CHD9: variants seen among roughly 807,000 people sequenced by gnomAD.
CHD9 encodes the protein chromodomain helicase DNA binding protein 9, also known as ATP-dependent chromatin remodeler CHD9.
A neutral mutation model predicts 316.1 loss-of-function variants in CHD9; 77 were observed. That is an observed-to-expected ratio of 0.24 (90% CI 0.20 to 0.29). The LOEUF is 0.29. Among genes scored for constraint, CHD9 ranks in the 10% least tolerant of loss-of-function variants. The pLI, the probability that CHD9 is intolerant of heterozygous loss-of-function variation, is 1.00. For missense variants in CHD9, 2,763 were observed against 3,438.1 expected, an observed-to-expected ratio of 0.80 and a Z score of 4.91; for synonymous variants, 1,129 against 1,158.3, an observed-to-expected ratio of 0.97 and a Z score of 0.51.
chr16:53,273,562 CAATCTT>C (rs2052499633), intron 22 of CHD9, 58 bp from the exon 23 acceptor site: 1 of 1,294,868 alleles, frequency 7.7e-7, no homozygotes, highest in East Asian at 2.5e-5. Flanking sequence ...TGCATTGAAA[CAATCTT>C]TCAGATTGCA....
In CHD9 at chr16:53,306,203, C is replaced by A. The variant is rs1489202605; in HGVS notation, c.6620-34C>A. The A allele has an allele frequency of 6.1e-6, 8 of 1,317,608 alleles. No homozygotes were observed. The African/African-American group carries it at 1.1e-4, about 18-fold the overall frequency. 81.6% of individuals were successfully genotyped at this position (1,317,608 alleles called of 1,614,324 possible). A position where few individuals can be genotyped will look rare whatever the true frequency, so the allele number is the denominator to read the frequency against. On this transcript the variant is annotated intron_variant, in intron 31 of 38. Coordinates refer to ENST00000447540, the MANE Select transcript of CHD9 (RefSeq NM_001308319.2). Reference sequence around the variant, plus strand: ...TATATATAAAACTATTTTATGTAGTCTTTTTAAAAAATGATTATAATTGTT... The same window carrying A: ...TATATATAAAACTATTTTATGTAGTATTTTTAAAAAATGATTATAATTGTT...
chr16:53,313,953 CA>C (rs368259661), intron 34 of CHD9, among the ~76,000 whole-genome samples: 67 of 88,780 alleles, frequency 7.5e-4, no homozygotes, highest in African/African-American at 1.7e-3. Context: ...ACTCCGTCTC[CA>C]AAAAAAAAAA....
intron 34 of CHD9, chr16:53,310,969 C>T (rs7200870): frequency 0.84 from 127,098 of 151,398 alleles, 53,828 homozygotes; most frequent in African/African-American, 0.96. Context: ...GGAGGATTGC[C>T]TGAGTCCAGG....
At chr16:53,240,675 C>T (rs1411101760) in intron 12 of CHD9, among the ~76,000 whole-genome samples, 1 of 151,334 alleles carries the variant, frequency 6.6e-6, no homozygotes, top group African/African-American at 2.4e-5. Flanking sequence ...AACAGTAGTA[C>T]TAAAATCATG....
intron 19 of CHD9, among the ~76,000 whole-genome samples, chr16:53,261,940 T>C (rs1467136869): frequency 6.6e-6 from 1 of 152,232 alleles, no homozygotes; most frequent in African/African-American, 2.4e-5. Flanking sequence ...CTGACAGTTA[T>C]CTTGAATATC....
Position 53,157,468 on chromosome 16 carries a change from C to T in CHD9, c.1379C>T (p.Ala460Val), listed in dbSNP as rs764468064. 1.9e-6 allele frequency: 3 copies of T among 1,613,892 alleles called. No homozygotes were observed. In the East Asian group the frequency reaches 6.7e-5, roughly 36 times the overall value. Residue 460 changes from alanine to valine, a missense_variant, in exon 2 of 39, where the codon GCT becomes GTT. Ala to Val is a moderately conservative substitution (Grantham distance 64). Around this residue, in one of 15 missense-constraint regions of CHD9, gnomAD observed 859 missense variants for 890.4 expected, o/e 0.96. Coordinates refer to ENST00000447540, the MANE Select transcript of CHD9 (RefSeq NM_001308319.2). ...DMAQTQLQSQARSWHSSFSNH... is the reference protein window; with the variant it reads ...DMAQTQLQSQVRSWHSSFSNH... ...GCTCAGACTCAGTTGCAAAGTCAGG[C>T]TCGGAGTTGGCATTCATCATTTTCT...
chr16:53,077,047 G>A (rs2034594500), intron 1 of CHD9, among the ~76,000 whole-genome samples: 1 of 151,380 alleles, frequency 6.6e-6, no homozygotes, highest in Admixed American at 6.6e-5. Context: ...GAGTGCAGTG[G>A]CATGATCTTG....
In CHD9 at chr16:53,209,775, A is replaced by G. The variant is rs374457948; in HGVS notation, c.1746A>G (p.Thr582=). ...SKPKDKDSKK[T]KTCSKLKEKT... Reference sequence around the variant, plus strand: ...CAAAGGACAAAGACAGCAAAAAAACAAAAACATGTTCTAAGTTAAAAGAGA... The same window carrying G: ...CAAAGGACAAAGACAGCAAAAAAACGAAAACATGTTCTAAGTTAAAAGAGA... Residue 582 remains threonine (T), a synonymous_variant, in exon 3 of 39, where the codon ACA becomes ACG. Transcript: ENST00000447540. The G allele has an allele frequency of 5.9e-5, 95 of 1,603,388 alleles. 1 individual carries two copies. In the African/African-American group the frequency reaches 1.2e-3, roughly 20 times the overall value.
chr16:53,300,517 A>G (rs1227866992), intron 30 of CHD9, among the ~76,000 whole-genome samples: 1 of 152,248 alleles, frequency 6.6e-6, no homozygotes, highest in African/African-American at 2.4e-5. Context: ...CATAGCATTA[A>G]AAAATGAACA....
In CHD9 at chr16:53,245,780, T is replaced by G. The variant is rs1307705903; in HGVS notation, c.3384T>G (p.Thr1128=). 6.2e-7 allele frequency: 1 copy of G among 1,606,188 alleles called. No homozygotes were observed. Among genetic ancestry groups the G allele is most frequent in the Admixed American group, 1.7e-5 (1 of 58,586 alleles). ...FSFLSKGAGQ[T]NVPNLVNTMM... is the part of the protein sequence containing the mutation. ...TTTTATCCAAAGGAGCAGGACAAAC[T>G]AATGTACCTAACTTGGTCAATACCA... Residue 1128 remains threonine, a synonymous_variant, in exon 15 of 39, where the codon ACT becomes ACG. Transcript: ENST00000447540. The surrounding 1 kb of genome is among the most constrained non-coding windows in gnomAD (Gnocchi z 4.1).
At chr16:53,161,000 A>T (rs1254120501) in intron 2 of CHD9, among the ~76,000 whole-genome samples, 1 of 152,134 alleles carries the variant, frequency 6.6e-6, no homozygotes, top group Non-Finnish European at 1.5e-5. Flanking sequence ...CAAGAGGATG[A>T]GTTGAGCCTG....
chr16:53,171,960 G>A (rs945629500), intron 2 of CHD9, among the ~76,000 whole-genome samples: 1 of 151,140 alleles, frequency 6.6e-6, no homozygotes, highest in Non-Finnish European at 1.5e-5. Context: ...ATGTTTTGGG[G>A]ATATATGCTT....
chr16:53,310,676 T>C (rs2056385805), intron 34 of CHD9: 1 of 150,010 alleles, frequency 6.7e-6, no homozygotes. Context: ...GGTGAAACCC[T>C]GTCTGTACTA....
chr16:53,239,179 T>G (rs1397441044), intron 12 of CHD9, among the ~76,000 whole-genome samples: 4 of 152,210 alleles, frequency 2.6e-5, no homozygotes, highest in Non-Finnish European at 5.9e-5. Flanking sequence ...GAGCATTTTC[T>G]ATTTTACTTT....
chr16:53,306,530 A>G, intron 32 of CHD9, 133 bp downstream of exon 32: 1 of 614,900 alleles, frequency 1.6e-6, no homozygotes, highest in African/African-American at 1.9e-5. Context: ...TGTTAGCTCC[A>G]AAAGTATAAA....
chr16:53,132,793 CTTT>C (rs748626858), intron 1 of CHD9, among the ~76,000 whole-genome samples: 91 of 68,484 alleles, frequency 1.3e-3, no homozygotes, highest in African/African-American at 4.6e-3. Context: ...TCTAATTCTG[CTTT>C]TTTTTTTTTT....
At chr16:53,104,156 AG>A (rs2037124979) in intron 1 of CHD9, among the ~76,000 whole-genome samples, 1 of 152,228 alleles carries the variant, frequency 6.6e-6, no homozygotes, top group African/African-American at 2.4e-5. Context: ...AAATGTTTGG[AG>A]GAAAAGGGTG....
rs192451404 is a variant in CHD9, at chr16:53,189,081, A to T, written c.1453-20401A>T. Among the ~76,000 whole-genome samples the T allele has an allele frequency of 9.2e-5, 14 of 152,154 alleles. No homozygotes were observed. In the East Asian group the frequency reaches 2.5e-3, roughly 27 times the overall value. On this transcript the variant is annotated intron_variant, in intron 2 of 38. Coordinates refer to ENST00000447540, the MANE Select transcript of CHD9 (RefSeq NM_001308319.2). ...TCCTTGGGTTTTTTTTTCATTTGAA[A>T]GATCGTAGCTTCCAAATATAAAGAT...
intron 1 of CHD9, among the ~76,000 whole-genome samples, chr16:53,146,796 CAAA>C (rs59556450): frequency 8.3e-6 from 1 of 120,722 alleles, no homozygotes; most frequent in Non-Finnish European, 1.8e-5. Context: ...GAGACGGTCT[CAAA>C]AAAAAAAAAA....
Sources: gnomAD v4.1 joint callset for allele counts (sites outside exome capture counted in the v4.1 genomes callset) on GRCh38, gnomAD v4.1.1 for gene constraint, gnomAD v4.1.1 regional missense constraint, Gnocchi (gnomAD v3.1) non-coding constraint, MANE v1.5 for transcripts, NCBI Gene and HGNC (gene_info 2026-07-23, HGNC 2026-07-21) for gene names.